ZNF37A: variants seen among roughly 807,000 people sequenced by gnomAD.
ZNF37A encodes zinc finger protein 37a (KOX 21).
ZNF37A carries 10 observed loss-of-function variants against 12.3 expected under a neutral mutation model. The ratio of observed to expected loss-of-function variants is 0.82; its 90% CI spans 0.50 to 1.38. The LOEUF is 1.38. Ranked by LOEUF, ZNF37A falls within the 40% of genes most tolerant of loss-of-function variation. ZNF37A has a pLI of 0.00. For synonymous variants in ZNF37A, 207 were observed against 223.0 expected, an observed-to-expected ratio of 0.93 and a Z score of 0.64; for missense variants, 580 against 651.2, an observed-to-expected ratio of 0.89 and a Z score of 1.19.
At chr10:38,116,503 A>C (rs879376787) in intron 7 of ZNF37A, among the ~76,000 whole-genome samples, 28 of 152,200 alleles carry the variant, frequency 1.8e-4, no homozygotes, top group Non-Finnish European at 3.2e-4. Context: ...GGGAATGAGC[A>C]ATTTATGAGG....
At position 38,118,515 on chromosome 10, in the gene ZNF37A, C is replaced by T. The variant is rs764861041; in HGVS notation, c.1364C>T (p.Thr455Ile). 61 of 1,613,906 alleles carry T rather than the reference C, an allele frequency of 3.8e-5. No individual in the cohort carries two copies. Among genetic ancestry groups the T allele is most frequent in the Non-Finnish European group, 4.7e-5 (55 of 1,180,016 alleles). Residue 455 changes from threonine to isoleucine, a missense_variant, in exon 8 of 8, where the codon ACA (threonine) becomes ATA (isoleucine). Physicochemically the swap from Thr to Ile is moderately conservative, Grantham distance 89 (BLOSUM62 -1). Transcript: ENST00000685332. The stretch of plus-strand genomic sequence containing the variant: ...TTTTTCTGCTACTACTCCGGTTTCA[C>T]AGAACATCTGAGAAGACACACAGGG... Reference protein sequence around the residue: ...GKFFCYYSGFTEHLRRHTGEK... With the variant: ...GKFFCYYSGFIEHLRRHTGEK...
chr10:38,121,339 G>A lies in ZNF37A; in HGVS notation c.*2502G>A, dbSNP rs2069683905. 1 of 151,812 alleles carries A rather than the reference G, an allele frequency of 6.6e-6. No homozygotes were observed. The highest frequency in any genetic ancestry group is 1.5e-5 in the Non-Finnish European group (1 of 67,966). The allele number at this position is 151,812 out of a possible 1,614,324, so 9.4% of individuals were successfully genotyped here. A position where few individuals can be genotyped will look rare whatever the true frequency, so the allele number is the denominator to read the frequency against. ...TCATCACCAAGAGATGTTTATTAGGGCAATCAAAAGATTTATTATTTTAAA... is the reference window on the plus strand; with the variant it reads ...TCATCACCAAGAGATGTTTATTAGGACAATCAAAAGATTTATTATTTTAAA... On this transcript the variant is annotated 3_prime_UTR_variant, in exon 8 of 8. Coordinates refer to ENST00000685332, the MANE Select transcript of ZNF37A (RefSeq NM_001324250.3).
intron 5 of ZNF37A, among the ~76,000 whole-genome samples, chr10:38,106,164 G>A (rs1263824967): frequency 2.0e-5 from 3 of 152,162 alleles, no homozygotes; most frequent in Non-Finnish European, 4.4e-5. Flanking sequence ...AGCAGTCTTT[G>A]CTGTTTGGCA....
At chr10:38,144,647 C>T (rs1466700118) in intron 7 of ZNF37A, among the ~76,000 whole-genome samples, 1 of 152,088 alleles carries the variant, frequency 6.6e-6, no homozygotes, top group East Asian at 1.9e-4. Context: ...GGGTGGCACC[C>T]CTTGACAACT....
Position 38,120,133 on chromosome 10 carries a change from A to G in ZNF37A, c.*1296A>G, listed in dbSNP as rs1439939151. 1 of 152,218 alleles carries G rather than the reference A, an allele frequency of 6.6e-6. No homozygotes were observed. The highest frequency in any genetic ancestry group is 2.4e-5 in the African/African-American group (1 of 41,452). The allele number at this position is 152,218 out of a possible 1,614,324, so 9.4% of individuals were successfully genotyped here. A position where few individuals can be genotyped will look rare whatever the true frequency, so the allele number is the denominator to read the frequency against. On this transcript the variant is annotated 3_prime_UTR_variant, in exon 8 of 8. Transcript: ENST00000685332. ...GATATAACTTAAATATGGAGCTTTC[A>G]AAAAGCACAAATAGGCTGGACATGG...
At chr10:38,100,237 C>T (rs1470092015) in intron 5 of ZNF37A, among the ~76,000 whole-genome samples, 1 of 152,188 alleles carries the variant, frequency 6.6e-6, no homozygotes, top group Non-Finnish European at 1.5e-5. Flanking sequence ...CACAGGACCG[C>T]AGGACCGGTG....
chr10:38,109,272 C>T (rs760353365), intron 5 of ZNF37A, among the ~76,000 whole-genome samples: 35 of 152,010 alleles, frequency 2.3e-4, no homozygotes, highest in African/African-American at 7.3e-4. Flanking sequence ...AAAAGGCCTT[C>T]GAGAAAATTC....
At chr10:38,128,864 C>A (rs2069967259), downstream of ZNF37A, among the ~76,000 whole-genome samples, 1 of 152,162 alleles carries the variant, frequency 6.6e-6, no homozygotes, top group Admixed American at 6.5e-5. Context: ...AGCGATTCTC[C>A]TGCCTCAGCC....
At chr10:38,107,585 A>G (rs1406820927) in intron 5 of ZNF37A, among the ~76,000 whole-genome samples, 1 of 152,236 alleles carries the variant, frequency 6.6e-6, no homozygotes. Context: ...GTCAACATCC[A>G]TCAGTGTGCT....
intron 7 of ZNF37A, among the ~76,000 whole-genome samples, chr10:38,145,114 T>C (rs1233067456): frequency 1.3e-5 from 2 of 152,178 alleles, no homozygotes; most frequent in African/African-American, 4.8e-5. Context: ...TTTGAACGGC[T>C]TGGATGCTAA....
Position 38,118,508 on chromosome 10 carries a change from G to A in ZNF37A, c.1357G>A (p.Gly453Ser), listed in dbSNP as rs75640170. Reference protein sequence around the residue: ...QCGKFFCYYSGFTEHLRRHTG... With the variant: ...QCGKFFCYYSSFTEHLRRHTG... ...TGGAAAATTTTTCTGCTACTACTCCGGTTTCACAGAACATCTGAGAAGACA... is the reference window on the plus strand; with the variant it reads ...TGGAAAATTTTTCTGCTACTACTCCAGTTTCACAGAACATCTGAGAAGACA... The change falls in exon 8 of 8, where the codon GGT (glycine) becomes AGT (serine). Residue 453 changes from glycine (G) to serine (S), a missense_variant. Transcript: ENST00000685332. 9.5e-5 allele frequency: 154 copies of A among 1,613,472 alleles called. No individual in the cohort carries two copies. Among genetic ancestry groups the A allele is most frequent in the Non-Finnish European group, 1.2e-4 (144 of 1,179,924 alleles).
rs1215239374 is a variant in ZNF37A, at chr10:38,104,631, A to AT, written c.15+8001dup. ...GTCCTTTTCCTGCAGTACCTCTACCATTAGCCATTTCTCCAAAGGACATTG... is the reference window on the plus strand; with the variant it reads ...GTCCTTTTCCTGCAGTACCTCTACCATTTAGCCATTTCTCCAAAGGACATTG... On this transcript the variant is annotated intron_variant, in intron 5 of 7. Coordinates refer to ENST00000685332, the MANE Select transcript of ZNF37A (RefSeq NM_001324250.3). Among the ~76,000 whole-genome samples the AT allele has an allele frequency of 2.0e-5, 3 of 152,102 alleles. No homozygotes were observed. In the East Asian group the frequency reaches 5.8e-4, roughly 29 times the overall value.
intron 7 of ZNF37A, among the ~76,000 whole-genome samples, chr10:38,130,592 C>T (rs2505260): frequency 0.41 from 62,508 of 151,896 alleles, 13,059 homozygotes; most frequent in East Asian, 0.5. Flanking sequence ...CCCCAGGTAG[C>T]TGGGATTACA....
rs79441071 is a variant in ZNF37A, at chr10:38,119,190, A to C, written c.*353A>C. 1.6e-3 allele frequency: 1,633 copies of C among 1,026,866 alleles called. 7 individuals are homozygous for C. In the East Asian group the frequency reaches 0.025, roughly 16 times the overall value. The allele number at this position is 1,026,866 out of a possible 1,614,324, so 63.6% of individuals were successfully genotyped here. On this transcript the variant is annotated 3_prime_UTR_variant, in exon 8 of 8. Transcript: ENST00000685332. ...TTCTGCTACTACTACAGTTTCACAGAATACCTGAGAAGACACACTTGGAGA... is the reference window on the plus strand; with the variant it reads ...TTCTGCTACTACTACAGTTTCACAGCATACCTGAGAAGACACACTTGGAGA...
At chr10:38,140,499 A>T (rs1240453654) in intron 7 of ZNF37A, 1 of 152,236 alleles carries the variant, frequency 6.6e-6, no homozygotes, top group Non-Finnish European at 1.5e-5. Flanking sequence ...GTGGTGCCAG[A>T]TTAGAGTTAA....
At position 38,123,948 on chromosome 10, in the gene ZNF37A, G is replaced by C. The variant is rs574821088; in HGVS notation, c.*5111G>C. 2 of 152,110 alleles carry C rather than the reference G, an allele frequency of 1.3e-5. No homozygotes were observed. The highest frequency in any genetic ancestry group is 2.9e-5 in the Non-Finnish European group (2 of 68,010). 9.4% of individuals were successfully genotyped at this position (152,110 alleles called of 1,614,324 possible). The stretch of plus-strand genomic sequence containing the variant: ...GGAGGTACCTCAAAAACTAAAAATA[G>C]AGCTATCATACAATCCCACAATTCC... On this transcript the variant is annotated 3_prime_UTR_variant, in exon 8 of 8. Transcript: ENST00000685332.
At chr10:38,108,862 G>A (rs2068377026) in intron 5 of ZNF37A, among the ~76,000 whole-genome samples, 1 of 152,080 alleles carries the variant, frequency 6.6e-6, no homozygotes, top group African/African-American at 2.4e-5. Flanking sequence ...AACCAAAAAT[G>A]TCTAGGACCA....
intron 7 of ZNF37A, among the ~76,000 whole-genome samples, chr10:38,132,980 C>T (rs368716993): frequency 3.3e-5 from 5 of 152,184 alleles, no homozygotes; most frequent in African/African-American, 9.6e-5. Flanking sequence ...ATGCTTATAA[C>T]TTTAATTGCT....
chr10:38,134,096 A>G (rs981134223), intron 7 of ZNF37A, among the ~76,000 whole-genome samples: 6 of 152,162 alleles, frequency 3.9e-5, no homozygotes, highest in Non-Finnish European at 8.8e-5. Flanking sequence ...AAGCTTGTGC[A>G]TGCATCACAT....
Sources: allele counts gnomAD v4.1 joint callset (sites outside exome capture counted in the v4.1 genomes callset), GRCh38; gene constraint gnomAD v4.1.1; transcripts MANE v1.5; gene names NCBI Gene and HGNC (gene_info 2026-07-23, HGNC 2026-07-21).